Variants in LOC128462377 observed in about 807,000 individuals in gnomAD.
the LOC128462377 span, among the ~76,000 whole-genome samples, chr16:89,381,871 C>T: frequency 6.6e-6 from 1 of 152,256 alleles, no homozygotes; most frequent in Non-Finnish European, 1.5e-5. Context: ...ACAGCCTCTG[C>T]CACAGGCCAC....
the LOC128462377 span, chr16:89,324,306 G>A: frequency 3.1e-6 from 4 of 1,272,702 alleles, no homozygotes; most frequent in Admixed American, 2.3e-5. Context: ...CACCCGACAG[G>A]AGCACGGACA....
chr16:89,362,654 C>T, the LOC128462377 span, among the ~76,000 whole-genome samples: 7,693 of 152,152 alleles, frequency 0.051, 272 homozygotes, highest in East Asian at 0.17. Flanking sequence ...GCTGACATTC[C>T]TAAATATCTG....
At chr16:89,319,330 C>G in the LOC128462377 span, among the ~76,000 whole-genome samples, 9 of 152,348 alleles carry the variant, frequency 5.9e-5, no homozygotes, top group South Asian at 2.1e-4. Flanking sequence ...GCCCAGGCAC[C>G]TTCCCCAATG....
the LOC128462377 span, among the ~76,000 whole-genome samples, chr16:89,401,457 A>T: frequency 6.6e-6 from 1 of 152,228 alleles, no homozygotes; most frequent in Non-Finnish European, 1.5e-5. Flanking sequence ...AAAATGCAGA[A>T]TGTGAAGCCT....
the LOC128462377 span, among the ~76,000 whole-genome samples, chr16:89,338,832 C>G: frequency 4.1e-5 from 6 of 147,592 alleles, no homozygotes; most frequent in African/African-American, 1.5e-4. Flanking sequence ...CCAGGCAAAA[C>G]AATCATTTCC....
chr16:89,397,268 G>A, the LOC128462377 span, among the ~76,000 whole-genome samples: 1 of 152,174 alleles, frequency 6.6e-6, no homozygotes, highest in African/African-American at 2.4e-5. Flanking sequence ...CCACCTCCAG[G>A]ACAGACACCA....
chr16:89,344,015 T>C, the LOC128462377 span, among the ~76,000 whole-genome samples: 1 of 152,072 alleles, frequency 6.6e-6, no homozygotes, highest in African/African-American at 2.4e-5. Flanking sequence ...TAAATATCGG[T>C]GCAGGCGGCC....
chr16:89,354,818 C>A, the LOC128462377 span, among the ~76,000 whole-genome samples: 2 of 150,942 alleles, frequency 1.3e-5, no homozygotes, highest in Non-Finnish European at 3.0e-5. Flanking sequence ...ACCCAGGAGG[C>A]GGAGGTTGCA....
the LOC128462377 span, among the ~76,000 whole-genome samples, chr16:89,333,132 G>C: frequency 2.0e-5 from 3 of 152,236 alleles, no homozygotes; most frequent in Non-Finnish European, 4.4e-5. Context: ...GCTCAACAAT[G>C]CTCTGGGAAC....
At chr16:89,338,567 A>G in the LOC128462377 span, among the ~76,000 whole-genome samples, 22 of 151,902 alleles carry the variant, frequency 1.4e-4, no homozygotes, top group Non-Finnish European at 3.1e-4. Flanking sequence ...TCTACTAAAA[A>G]TACAAAAATT....
chr16:89,382,400 A>G, the LOC128462377 span, among the ~76,000 whole-genome samples: 9 of 152,170 alleles, frequency 5.9e-5, no homozygotes, highest in Admixed American at 5.9e-4. Context: ...ATCTCGGCTC[A>G]CTGCCACCTC....
At chr16:89,367,300 G>T in the LOC128462377 span, among the ~76,000 whole-genome samples, 2 of 152,244 alleles carry the variant, frequency 1.3e-5, no homozygotes, top group Non-Finnish European at 2.9e-5. Flanking sequence ...GCCAGTGCTG[G>T]CCCAGCAGTA....
At chr16:89,338,970 C>T in the LOC128462377 span, among the ~76,000 whole-genome samples, 1 of 152,046 alleles carries the variant, frequency 6.6e-6, no homozygotes, top group African/African-American at 2.4e-5. Context: ...GAACTCCTTT[C>T]CCTCAAAGTC....
the LOC128462377 span, among the ~76,000 whole-genome samples, chr16:89,336,458 TGAA>T: frequency 2.6e-5 from 4 of 152,174 alleles, no homozygotes; most frequent in Non-Finnish European, 5.9e-5. Context: ...AGGTGAACAC[TGAA>T]GGAGGGGCCA....
the LOC128462377 span, among the ~76,000 whole-genome samples, chr16:89,413,074 G>A: frequency 6.6e-6 from 1 of 152,296 alleles, no homozygotes; most frequent in Admixed American, 6.5e-5. Flanking sequence ...GAGGGGGAGG[G>A]AGTAGGAGGG....
the LOC128462377 span, among the ~76,000 whole-genome samples, chr16:89,371,128 G>A: frequency 6.6e-6 from 1 of 152,170 alleles, no homozygotes; most frequent in African/African-American, 2.4e-5. Flanking sequence ...AAGACGGGAC[G>A]AGCGTCTTGA....
At chr16:89,322,348 G>C in the LOC128462377 span, among the ~76,000 whole-genome samples, 1 of 152,196 alleles carries the variant, frequency 6.6e-6, no homozygotes, top group Non-Finnish European at 1.5e-5. Flanking sequence ...AGGCCTTTAC[G>C]TACGTCCTGG....
the LOC128462377 span, among the ~76,000 whole-genome samples, chr16:89,347,130 G>A: frequency 4.6e-5 from 7 of 152,128 alleles, no homozygotes; most frequent in Admixed American, 1.3e-4. Context: ...TCGTTGGTCC[G>A]GGCATCAGAG....
the LOC128462377 span, among the ~76,000 whole-genome samples, chr16:89,366,152 G>C: frequency 8.2e-6 from 1 of 122,142 alleles, no homozygotes; most frequent in African/African-American, 3.2e-5. Context: ...AAAAAAAAAA[G>C]ACATGATCTC....
Sources: gnomAD v4.1 joint callset for allele counts (sites outside exome capture counted in the v4.1 genomes callset) on GRCh38, gnomAD v4.1.1 for gene constraint, MANE v1.5 for transcripts.